The following SPTBN4 variants were observed in gnomAD, a reference collection of about 807,000 sequenced individuals.
SPTBN4 encodes the protein spectrin beta chain, non-erythrocytic 4.
SPTBN4 carries 96 observed loss-of-function variants against 277.8 expected under a neutral mutation model. That is an observed-to-expected ratio of 0.35 (90% CI 0.29 to 0.41). The LOEUF is 0.41. Among genes scored for constraint, SPTBN4 ranks in the 10% least tolerant of loss-of-function variants. The pLI is 1.00. For missense variants in SPTBN4, 3,006 were observed against 3,595.7 expected (o/e 0.84, Z 4.19); for synonymous variants, 1,481 against 1,580.3 (o/e 0.94, Z 1.49).
rs1253614806 is a variant in SPTBN4 at position 40,568,052 on chromosome 19, G to A, written c.6726G>A (p.Glu2242=). 1.3e-6 allele frequency: 2 copies of A among 1,555,706 alleles called. No homozygotes were observed. Among genetic ancestry groups the A allele is most frequent in the Non-Finnish European group, 1.7e-6 (2 of 1,150,780 alleles). The change falls in exon 31 of 36, where the codon GAG becomes GAA. Residue 2242 remains glutamate (E), a synonymous_variant. Coordinates refer to ENST00000598249, the MANE Select transcript of SPTBN4 (RefSeq NM_020971.3). ...ERQESADRAE[E]LPRRRRPERQ... is the part of the protein sequence containing the mutation. ...AGGAGTCAGCTGATCGCGCGGAGGA[G>A]CTGCCCAGGAGGCGGCGGCCTGAGC... is the stretch of plus-strand genomic sequence containing the variant.
At chr19:40,563,847 C>T (rs2081067367) in intron 27 of SPTBN4, among the ~76,000 whole-genome samples, 1 of 151,596 alleles carries the variant, frequency 6.6e-6, no homozygotes, top group African/African-American at 2.4e-5. Context: ...TCGAGACCAG[C>T]CTGGCCAACA....
chr19:40,506,105 C>G (rs965219906), intron 12 of SPTBN4, 131 bp from the exon 13 acceptor site: 3 of 1,246,858 alleles, frequency 2.4e-6, no homozygotes, highest in Non-Finnish European at 3.3e-6. Context: ...TGAGGCTGGT[C>G]CATATCTCTC....
At chr19:40,569,556 G>A in intron 31 of SPTBN4, 101 bp from the exon 32 acceptor site, 1 of 1,187,532 alleles carries the variant, frequency 8.4e-7, no homozygotes, top group Non-Finnish European at 1.2e-6. Flanking sequence ...CAGGGGCCTG[G>A]CACTTCCAGC....
intron 13 of SPTBN4, among the ~76,000 whole-genome samples, chr19:40,511,028 A>C (rs79576994): frequency 0.28 from 42,306 of 151,424 alleles, 6,019 homozygotes; most frequent in African/African-American, 0.31. Flanking sequence ...AAAATAAATA[A>C]ATAAATAAAT....
At chr19:40,542,867 G>A (rs1407206501) in intron 20 of SPTBN4, among the ~76,000 whole-genome samples, 1 of 151,728 alleles carries the variant, frequency 6.6e-6, no homozygotes, top group Non-Finnish European at 1.5e-5. Flanking sequence ...CTGGAGTGCA[G>A]TGGCGCGATC....
At position 40,513,443 on chromosome 19, in the gene SPTBN4, G is replaced by T. The variant is rs766363872; in HGVS notation, c.2654G>T (p.Arg885Leu). The T allele has an allele frequency of 1.9e-6, 3 of 1,603,840 alleles. No individual in the cohort carries two copies. Among genetic ancestry groups the T allele is most frequent in the Non-Finnish European group, 1.7e-6 (2 of 1,178,348 alleles). ...CTGCGGGACGCGCTCGCTGTCTACC[G>T]CATGTTTGGCGAGGTGCACGCGTGT... is the stretch of plus-strand genomic sequence containing the variant. Reference protein sequence around the residue: ...QWLRDALAVYRMFGEVHACEL... With the variant: ...QWLRDALAVYLMFGEVHACEL... The change falls in exon 14 of 36, where the codon CGC becomes CTC. Residue 885 changes from arginine to leucine, a missense_variant. Arg to Leu is a moderately radical substitution (Grantham distance 102). Around this residue, in one of 5 missense-constraint regions of SPTBN4, gnomAD observed 1,759 missense variants for 2,061.5 expected, o/e 0.85. Transcript: ENST00000598249.
Position 40,554,902 on chromosome 19 carries a change from G to A in SPTBN4, c.5084+256G>A, listed in dbSNP as rs1568372671. 1 of 478,016 alleles carries A rather than the reference G, an allele frequency of 2.1e-6. No homozygotes were observed. The highest frequency in any genetic ancestry group is 4.2e-5 in the East Asian group (1 of 23,988). The allele number at this position is 478,016 out of a possible 1,614,324, so 29.6% of individuals were successfully genotyped here. ...CTTGTCGGGGGAGAAAAGAGTAGGCGATGTCTAGGACTGGGGTAGAGAAGA... is the reference window on the plus strand; with the variant it reads ...CTTGTCGGGGGAGAAAAGAGTAGGCAATGTCTAGGACTGGGGTAGAGAAGA... On this transcript the variant is annotated intron_variant, in intron 24 of 35. Coordinates refer to ENST00000598249, the MANE Select transcript of SPTBN4 (RefSeq NM_020971.3). This position sits in a 1 kb window ranked among gnomAD's most constrained non-coding sequence, Gnocchi z 5.7.
rs556954197 is a variant in SPTBN4 at position 40,468,837 on chromosome 19, A to AT, written c.-16+1533dup. On this transcript the variant is annotated intron_variant, in intron 1 of 35. Transcript: ENST00000598249. ...TTTGGGACTGGGCACAGTGGCTCAC[A>AT]TGTGTAACCCCAGCACTTTGGGAAG... Among the ~76,000 whole-genome samples the AT allele has an allele frequency of 4.6e-5, 7 of 152,306 alleles. No homozygotes were observed. The South Asian group carries it at 1.4e-3, about 32-fold the overall frequency.
Position 40,504,148 on chromosome 19 carries a change from C to CCCCCCA in SPTBN4, c.1665+16_1665+17insCCCCCA. ...GGAGATGCAGGTGCCGGCGGGGGGG[C>CCCCCCA]GGGGATGCGGGTGGAGTGCCAGGAG... On this transcript the variant is annotated intron_variant, in intron 12 of 35. Coordinates refer to ENST00000598249, the MANE Select transcript of SPTBN4 (RefSeq NM_020971.3). 4.6e-5 allele frequency: 30 copies of CCCCCCA among 645,606 alleles called. No individual in the cohort carries two copies. The highest frequency in any genetic ancestry group is 6.2e-5 in the Non-Finnish European group (29 of 471,240). 40.0% of individuals were successfully genotyped at this position (645,606 alleles called of 1,614,324 possible).
intron 20 of SPTBN4, among the ~76,000 whole-genome samples, chr19:40,546,571 A>G (rs1306941800): frequency 6.6e-6 from 1 of 152,102 alleles, no homozygotes; most frequent in Non-Finnish European, 1.5e-5. Context: ...ACCTGAGTGC[A>G]GTGGCTCACA....
chr19:40,553,512 T>C (rs2080941664), intron 22 of SPTBN4, among the ~76,000 whole-genome samples: 2 of 152,164 alleles, frequency 1.3e-5, no homozygotes, highest in Admixed American at 1.3e-4. Flanking sequence ...TCTTTATCAG[T>C]TGAGTCACAC....
Position 40,472,620 on chromosome 19 carries a change from C to T in SPTBN4, c.-2C>T, listed in dbSNP as rs368384076. 17 of 1,610,506 alleles carry T rather than the reference C, an allele frequency of 1.1e-5. No homozygotes were observed. The highest frequency in any genetic ancestry group is 4.5e-5 in the East Asian group (2 of 44,842). ...CCCTATGTCCAGGCCTCACCTTCCCCGATGGCGCAGGTACCAGGGGAAGTG... is the reference window on the plus strand; with the variant it reads ...CCCTATGTCCAGGCCTCACCTTCCCTGATGGCGCAGGTACCAGGGGAAGTG... On this transcript the variant is annotated 5_prime_UTR_variant, in exon 2 of 36. Coordinates refer to ENST00000598249, the MANE Select transcript of SPTBN4 (RefSeq NM_020971.3).
chr19:40,575,684 G>C lies in SPTBN4; in HGVS notation c.*115G>C. On this transcript the variant is annotated 3_prime_UTR_variant, in exon 36 of 36. Coordinates refer to ENST00000598249, the MANE Select transcript of SPTBN4 (RefSeq NM_020971.3). ...CCCCTAGTTCCAACACTGAGGACGC[G>C]TGACATGGTGGGCACCGGAAAGGAG... is the stretch of plus-strand genomic sequence containing the variant. The C allele has an allele frequency of 7.7e-7, 1 of 1,305,350 alleles. No individual in the cohort carries two copies. The highest frequency in any genetic ancestry group is 1.0e-6 in the Non-Finnish European group (1 of 980,736). 80.9% of individuals were successfully genotyped at this position (1,305,350 alleles called of 1,614,324 possible). A position where few individuals can be genotyped will look rare whatever the true frequency, so the allele number is the denominator to read the frequency against.
At chr19:40,491,138 T>C (rs988972929) in intron 4 of SPTBN4, among the ~76,000 whole-genome samples, 1 of 152,142 alleles carries the variant, frequency 6.6e-6, no homozygotes, top group Non-Finnish European at 1.5e-5. Context: ...TTAGATATGG[T>C]GGTCAGAAGA....
chr19:40,556,690 C>T (rs2080982983), intron 25 of SPTBN4, among the ~76,000 whole-genome samples: 1 of 152,054 alleles, frequency 6.6e-6, no homozygotes, highest in Admixed American at 6.6e-5. Flanking sequence ...CTTTGGGAGG[C>T]CAAGGCAGGT....
intron 13 of SPTBN4, among the ~76,000 whole-genome samples, chr19:40,511,894 C>T (rs867119347): frequency 6.6e-6 from 1 of 151,938 alleles, no homozygotes; most frequent in Non-Finnish European, 1.5e-5. Flanking sequence ...GAGGCCAAGG[C>T]GGGTGGATCA....
At chr19:40,483,878 C>T (rs1193162241) in intron 2 of SPTBN4, among the ~76,000 whole-genome samples, 1 of 152,154 alleles carries the variant, frequency 6.6e-6, no homozygotes, top group Non-Finnish European at 1.5e-5. Flanking sequence ...TCTCCCCTCT[C>T]GGGACCCCGG....
Position 40,504,069 on chromosome 19 carries a change from C to A in SPTBN4, c.1602C>A (p.Asn534Lys). Residue 534 changes from asparagine (N) to lysine (K), a missense_variant, in exon 12 of 36, where the codon AAC becomes AAA. Around this residue, in one of 5 missense-constraint regions of SPTBN4, gnomAD observed 1,759 missense variants for 2,061.5 expected, o/e 0.85. Coordinates refer to ENST00000598249, the MANE Select transcript of SPTBN4 (RefSeq NM_020971.3). ...CCCGGCGGACACGACTTGAGCAGAA[C>A]CTTGCCCTGCAGAAGGTCTTCCAGG... ...VGARRTRLEQ[N>K]LALQKVFQEM... The A allele has an allele frequency of 6.2e-7, 1 of 1,606,346 alleles. No individual in the cohort carries two copies. The highest frequency in any genetic ancestry group is 2.2e-5 in the East Asian group (1 of 44,756).
intron 3 of SPTBN4, among the ~76,000 whole-genome samples, chr19:40,488,855 G>T (rs965723805): frequency 6.6e-5 from 10 of 151,498 alleles, no homozygotes; most frequent in Admixed American, 1.3e-4. Flanking sequence ...TAGATACGAG[G>T]CGTCACTATG....
Sources: allele counts gnomAD v4.1 joint callset (sites outside exome capture counted in the v4.1 genomes callset), GRCh38; gene constraint gnomAD v4.1.1; regional missense constraint gnomAD v4.1.1; non-coding constraint Gnocchi (gnomAD v3.1); transcripts MANE v1.5; gene names NCBI Gene and HGNC (gene_info 2026-07-23, HGNC 2026-07-21).